FAM107B: variants seen among roughly 807,000 people sequenced by gnomAD.
FAM107B encodes family with sequence similarity 107 member B.
FAM107B carries 21 observed loss-of-function variants against 31.5 expected under a neutral mutation model. That is an observed-to-expected ratio of 0.67 (90% CI 0.47 to 0.96). FAM107B has a LOEUF of 0.96. Among genes scored for constraint, FAM107B ranks in the 40% least tolerant of loss-of-function variants. FAM107B has a pLI of 0.00. For synonymous variants in FAM107B, 157 were observed against 141.5 expected, an observed-to-expected ratio of 1.11 and a Z score of -0.78; for missense variants, 452 against 377.1, an observed-to-expected ratio of 1.20 and a Z score of -1.64.
intron 2 of FAM107B, among the ~76,000 whole-genome samples, chr10:14,600,543 G>C (rs1852359600): frequency 6.7e-6 from 1 of 149,280 alleles, no homozygotes; most frequent in African/African-American, 2.5e-5. Flanking sequence ...CATTCTTTCT[G>C]AGATACCTTA....
intron 2 of FAM107B, among the ~76,000 whole-genome samples, chr10:14,586,218 T>C (rs1271893579): frequency 6.6e-6 from 1 of 151,990 alleles, no homozygotes; most frequent in Non-Finnish European, 1.5e-5. Context: ...ATCCTCCTTA[T>C]CCTCCTCCAT....
chr10:14,765,737 A>T (rs1201369598), intron 1 of FAM107B, among the ~76,000 whole-genome samples: 3 of 152,244 alleles, frequency 2.0e-5, no homozygotes, highest in African/African-American at 7.2e-5. Context: ...CAATATGTTT[A>T]ACAGAGACCT....
intron 2 of FAM107B, among the ~76,000 whole-genome samples, chr10:14,545,500 G>A (rs1257758739): frequency 6.6e-6 from 1 of 152,182 alleles, no homozygotes; most frequent in Non-Finnish European, 1.5e-5. Flanking sequence ...TTAAATACCA[G>A]CACACATAAG....
Position 14,629,409 on chromosome 10 carries a change from A to AAC in FAM107B, c.469+38224_469+38225insGT, listed in dbSNP as rs1564606755. ...TATATATAATATATATTATATATTTAATATATATAATATATATAATATATA... is the reference window on the plus strand; with the variant it reads ...TATATATAATATATATTATATATTTAACATATATATAATATATATAATATATA... On this transcript the variant is annotated intron_variant, in intron 2 of 4. Coordinates refer to ENST00000181796, the MANE Select transcript of FAM107B (RefSeq NM_031453.4). Among the ~76,000 whole-genome samples the AAC allele has an allele frequency of 3.6e-3, 4 of 1,104 alleles. 1 individual carries two copies. The highest frequency in any genetic ancestry group is 0.33 in the East Asian group (2 of 6). 0.7% of individuals were successfully genotyped at this position (1,104 alleles called of 152,430 possible).
intron 2 of FAM107B, among the ~76,000 whole-genome samples, chr10:14,535,225 G>C (rs537339666): frequency 1.3e-5 from 2 of 152,106 alleles, no homozygotes; most frequent in South Asian, 4.1e-4. Flanking sequence ...GACCAGCTCA[G>C]TGAAGGAGAA....
rs574849987 is a variant in FAM107B at position 14,681,952 on chromosome 10, C to T, written c.412-14261G>A. Among the ~76,000 whole-genome samples the T allele has an allele frequency of 6.2e-4, 95 of 152,270 alleles. No individual in the cohort carries two copies. In the Middle Eastern group the frequency reaches 0.017, roughly 27 times the overall value. ...GAGTCAATTGCGGGCACCTATACACCAGTCAAAACAAATATGTTTCAATAT... is the reference window on the plus strand; with the variant it reads ...GAGTCAATTGCGGGCACCTATACACTAGTCAAAACAAATATGTTTCAATAT... On this transcript the variant is annotated intron_variant, in intron 1 of 4. Coordinates refer to ENST00000181796, the MANE Select transcript of FAM107B (RefSeq NM_031453.4).
intron 2 of FAM107B, among the ~76,000 whole-genome samples, chr10:14,560,402 T>C (rs1052277208): frequency 7.9e-5 from 12 of 151,930 alleles, no homozygotes; most frequent in African/African-American, 2.4e-4. Flanking sequence ...TATGAAGCAA[T>C]AGGAAACACA....
chr10:14,558,857 T>A (rs541882905), intron 2 of FAM107B, among the ~76,000 whole-genome samples: 3 of 152,070 alleles, frequency 2.0e-5, no homozygotes, highest in South Asian at 2.1e-4. Flanking sequence ...AAGCTCTATA[T>A]GAAGGGGAGC....
chr10:14,558,814 G>T (rs373991218), intron 2 of FAM107B, among the ~76,000 whole-genome samples: 1 of 152,102 alleles, frequency 6.6e-6, no homozygotes, highest in Non-Finnish European at 1.5e-5. Flanking sequence ...GTGAAAATGT[G>T]CCTGATGAAC....
At chr10:14,536,452 G>C (rs190533569) in intron 2 of FAM107B, among the ~76,000 whole-genome samples, 139 of 152,310 alleles carry the variant, frequency 9.1e-4, no homozygotes, top group African/African-American at 3.1e-3. Context: ...ACGTAAGGTG[G>C]AGGCGGCAAA....
intron 1 of FAM107B, among the ~76,000 whole-genome samples, chr10:14,742,890 G>A (rs149912882): frequency 1.1e-3 from 160 of 151,940 alleles, no homozygotes; most frequent in African/African-American, 3.7e-3. Context: ...CCACTCCACT[G>A]CGACAACTCT....
chr10:14,589,160 A>G (rs1588638267), intron 2 of FAM107B, among the ~76,000 whole-genome samples: 1 of 149,540 alleles, frequency 6.7e-6, no homozygotes, highest in Non-Finnish European at 1.5e-5. Flanking sequence ...TAGGTGACAC[A>G]CCGAGACTGT....
chr10:14,625,748 A>G (rs1853144011), intron 2 of FAM107B, among the ~76,000 whole-genome samples: 1 of 152,074 alleles, frequency 6.6e-6, no homozygotes, highest in Non-Finnish European at 1.5e-5. Flanking sequence ...TAGAAGGAAA[A>G]AAAAAGTGGC....
chr10:14,542,791 CCTCA>C (rs1427561283), intron 2 of FAM107B: 2 of 152,176 alleles, frequency 1.3e-5, no homozygotes, highest in African/African-American at 4.8e-5. Context: ...TCAAAAAAAT[CCTCA>C]CTAAAACTCC....
chr10:14,548,028 C>T (rs7350456), intron 2 of FAM107B, among the ~76,000 whole-genome samples: 1 of 152,218 alleles, frequency 6.6e-6, no homozygotes, highest in Admixed American at 6.5e-5. Context: ...GGTGGGCTTT[C>T]TGTGAACAAC....
chr10:14,774,212 G>T, intron 1 of FAM107B, 41 bp downstream of exon 1: 1 of 1,565,932 alleles, frequency 6.4e-7, no homozygotes. Flanking sequence ...CGCTCCTCCA[G>T]CTCCATCCCG....
chr10:14,755,496 CAAAA>C (rs561070511), intron 1 of FAM107B, among the ~76,000 whole-genome samples: 2 of 113,832 alleles, frequency 1.8e-5, no homozygotes, highest in African/African-American at 3.2e-5. Context: ...GATTCTGTCT[CAAAA>C]AAAAAAAAAA....
At chr10:14,748,442 G>T (rs1832768021) in intron 1 of FAM107B, among the ~76,000 whole-genome samples, 1 of 152,202 alleles carries the variant, frequency 6.6e-6, no homozygotes, top group South Asian at 2.1e-4. Flanking sequence ...AGATGCTGAT[G>T]ATATCAGTAG....
At position 14,672,370 on chromosome 10, in the gene FAM107B, G is replaced by A. The variant is rs1854581864; in HGVS notation, c.412-4679C>T. The stretch of plus-strand genomic sequence containing the variant: ...CCCAAACTGCTGGGATTACAGGCGT[G>A]AGCCACTGTGCCCGGCCCCATCATG... On this transcript the variant is annotated intron_variant, in intron 1 of 4. Coordinates refer to ENST00000181796, the MANE Select transcript of FAM107B (RefSeq NM_031453.4). 2.0e-5 allele frequency among the ~76,000 whole-genome samples: 3 copies of A among 152,168 alleles called. No homozygotes were observed. The South Asian group carries it at 6.2e-4, about 31-fold the overall frequency.
Sources: allele counts gnomAD v4.1 joint callset (sites outside exome capture counted in the v4.1 genomes callset), GRCh38; gene constraint gnomAD v4.1.1; transcripts MANE v1.5; gene names NCBI Gene and HGNC (gene_info 2026-07-23, HGNC 2026-07-21).